Variants in GDNF observed in about 807,000 individuals in gnomAD.
GDNF encodes the protein glial cell line-derived neurotrophic factor.
A neutral mutation model predicts 13.7 loss-of-function variants in GDNF; 5 were observed. The observed-to-expected ratio is 0.36, with a 90% CI of 0.19 to 0.77. The LOEUF is 0.77. GDNF is among the 30% of genes least tolerant of loss of function. The probability of loss-of-function intolerance (pLI) is 0.51; values close to 1 mark genes in which losing one functional copy is unlikely to be tolerated. For missense variants in GDNF, 246 were observed against 274.3 expected (o/e 0.90, Z 0.73); for synonymous variants, 122 against 112.5 (o/e 1.08, Z -0.53).
Position 37,815,646 on chromosome 5 carries a change from C to T in GDNF, c.*5G>A, listed in dbSNP as rs145996577. Reference sequence around the variant, plus strand: ...TGCAATACACAGCAGTCTCTGGAGCCGGAGTCAGATACATCCACACCTTTT... The same window carrying T: ...TGCAATACACAGCAGTCTCTGGAGCTGGAGTCAGATACATCCACACCTTTT... On this transcript the variant is annotated 3_prime_UTR_variant, in exon 3 of 3. Transcript: ENST00000326524. The surrounding 1 kb of genome is among the most constrained non-coding windows in gnomAD (Gnocchi z 5.0). 1,118 of 1,613,202 alleles carry T rather than the reference C, an allele frequency of 6.9e-4. No homozygotes were observed. The highest frequency in any genetic ancestry group is 8.4e-4 in the Non-Finnish European group (992 of 1,179,184).
At chr5:37,828,700 A>G (rs2111692198) in intron 2 of GDNF, among the ~76,000 whole-genome samples, 1 of 152,214 alleles carries the variant, frequency 6.6e-6, no homozygotes, top group East Asian at 1.9e-4. Context: ...CTTCACCTGT[A>G]AAATGGGGAT....
intron 2 of GDNF, among the ~76,000 whole-genome samples, chr5:37,825,062 A>C (rs1219549175): frequency 6.6e-6 from 1 of 152,256 alleles, no homozygotes; most frequent in African/African-American, 2.4e-5. Flanking sequence ...GGGTGTACTT[A>C]GAAAAGCCAC....
intron 2 of GDNF, among the ~76,000 whole-genome samples, chr5:37,821,092 C>T (rs974806887): frequency 3.3e-5 from 5 of 152,268 alleles, no homozygotes; most frequent in Middle Eastern, 3.4e-3. Flanking sequence ...CTCAATTTAT[C>T]GATGCGAGGC....
chr5:37,816,242 C>G, intron 2 of GDNF, 107 bp from the exon 3 acceptor site: 1 of 1,062,042 alleles, frequency 9.4e-7, no homozygotes, highest in Non-Finnish European at 1.4e-6. Context: ...GGACCCACAG[C>G]AAAACTATCA....
rs367700242 is a variant in GDNF at position 37,837,377 on chromosome 5, T to A, written c.-27+2130A>T. Among the ~76,000 whole-genome samples the A allele has an allele frequency of 6.6e-6, 1 of 152,296 alleles. No homozygotes were observed. The highest frequency in any genetic ancestry group is 1.5e-5 in the Non-Finnish European group (1 of 68,016). On this transcript the variant is annotated intron_variant, in intron 1 of 2. Transcript: ENST00000326524. The surrounding 1 kb of genome is among the most constrained non-coding windows in gnomAD (Gnocchi z 6.5). ...CCAGGTGACCGCGCACCATTTCTCG[T>A]GCCTGGCAAGCTGGTCCCCTTCTGG...
intron 1 of GDNF, chr5:37,835,586 T>C (rs1186973053): frequency 6.6e-7 from 1 of 1,517,418 alleles, no homozygotes; most frequent in Non-Finnish European, 9.0e-7. Context: ...AAATCACGCA[T>C]GACAAGCTCT....
At chr5:37,816,754 C>A (rs1032402708) in intron 2 of GDNF, among the ~76,000 whole-genome samples, 2 of 152,158 alleles carry the variant, frequency 1.3e-5, no homozygotes, top group Non-Finnish European at 2.9e-5. Context: ...ATCTGGAATA[C>A]TGAGTGCTCT....
Position 37,815,201 on chromosome 5 carries a change from G to A in GDNF, c.*450C>T, listed in dbSNP as rs141395105. ...TTTCAGCAGTAAAACGTAATAACAAGGAACAACACCAGGATCTCTGTTTCC... is the reference window on the plus strand; with the variant it reads ...TTTCAGCAGTAAAACGTAATAACAAAGAACAACACCAGGATCTCTGTTTCC... On this transcript the variant is annotated 3_prime_UTR_variant, in exon 3 of 3. Transcript: ENST00000326524. This position sits in a 1 kb window ranked among gnomAD's most constrained non-coding sequence, Gnocchi z 5.0. 924 of 187,766 alleles carry A rather than the reference G, an allele frequency of 4.9e-3. 8 individuals are homozygous for A. Among genetic ancestry groups the A allele is most frequent in the Non-Finnish European group, 7.9e-3 (710 of 89,920 alleles). The allele number at this position is 187,766 out of a possible 1,614,324, so 11.6% of individuals were successfully genotyped here.
At position 37,814,710 on chromosome 5, in the gene GDNF, C is replaced by T. The variant is rs951685723; in HGVS notation, c.*941G>A. ...ACTTAAATTTCAATAAATATCTTCT[C>T]TATATTTCTGTATCTGAAACAGATG... On this transcript the variant is annotated 3_prime_UTR_variant, in exon 3 of 3. Coordinates refer to ENST00000326524, the MANE Select transcript of GDNF (RefSeq NM_000514.4). The T allele has an allele frequency of 2.6e-5, 4 of 152,198 alleles. No individual in the cohort carries two copies. Among genetic ancestry groups the T allele is most frequent in the African/African-American group, 9.7e-5 (4 of 41,438 alleles). The allele number at this position is 152,198 out of a possible 1,614,324, so 9.4% of individuals were successfully genotyped here. A position where few individuals can be genotyped will look rare whatever the true frequency, so the allele number is the denominator to read the frequency against.
At chr5:37,824,819 G>A (rs1750252491) in intron 2 of GDNF, among the ~76,000 whole-genome samples, 1 of 152,152 alleles carries the variant, frequency 6.6e-6, no homozygotes, top group African/African-American at 2.4e-5. Flanking sequence ...ACAATTACCA[G>A]CTGAGGCAAT....
chr5:37,833,297 TGGAGAAACGTTTATATACATTA>T (rs1561135545), intron 2 of GDNF, among the ~76,000 whole-genome samples: 1 of 152,186 alleles, frequency 6.6e-6, no homozygotes, highest in East Asian at 1.9e-4. Flanking sequence ...AAGTTTCTGT[TGGAGAAACGTTTATATACATTA>T]AATTTGTGAT....
chr5:37,832,028 G>A (rs1467923097), intron 2 of GDNF, among the ~76,000 whole-genome samples: 2 of 152,218 alleles, frequency 1.3e-5, no homozygotes, highest in African/African-American at 4.8e-5. Flanking sequence ...CTCACACTGA[G>A]GGCATACTAG....
chr5:37,820,623 AT>A (rs1171624662), intron 2 of GDNF, among the ~76,000 whole-genome samples: 1 of 152,196 alleles, frequency 6.6e-6, no homozygotes, highest in Non-Finnish European at 1.5e-5. Context: ...ATCAACTATA[AT>A]AAATGTAGCA....
intron 2 of GDNF, among the ~76,000 whole-genome samples, chr5:37,821,074 G>A (rs1750120441): frequency 6.6e-6 from 1 of 152,190 alleles, no homozygotes; most frequent in Non-Finnish European, 1.5e-5. Context: ...TTCATTCTTA[G>A]AGCCAGCCTC....
chr5:37,835,498 C>A, intron 1 of GDNF: 2 of 1,498,716 alleles, frequency 1.3e-6, no homozygotes, highest in South Asian at 1.3e-5. Context: ...TATGGGATAT[C>A]TGGTTTAAGT....
In GDNF at chr5:37,839,034, C is replaced by T. The variant is rs1750806093; in HGVS notation, c.-27+473G>A. Among the ~76,000 whole-genome samples the T allele has an allele frequency of 2.0e-5, 3 of 152,116 alleles. No individual in the cohort carries two copies. Among genetic ancestry groups the T allele is most frequent in the South Asian group, 2.1e-4 (1 of 4,822 alleles). ...CTCAGCACCTTTGCAGCAGCCCCTC[C>T]CCCGGCCTGCGCTTTTCCTTGGCAC... On this transcript the variant is annotated intron_variant, in intron 1 of 2. Transcript: ENST00000326524. This position sits in a 1 kb window ranked among gnomAD's most constrained non-coding sequence, Gnocchi z 5.5.
At chr5:37,830,585 G>C (rs545677976) in intron 2 of GDNF, among the ~76,000 whole-genome samples, 4 of 152,270 alleles carry the variant, frequency 2.6e-5, no homozygotes, top group Non-Finnish European at 4.4e-5. Context: ...CCACTATTTA[G>C]AGCAGCATCC....
chr5:37,822,864 T>C (rs1750189988), intron 2 of GDNF, among the ~76,000 whole-genome samples: 1 of 152,252 alleles, frequency 6.6e-6, no homozygotes, highest in Admixed American at 6.5e-5. Flanking sequence ...TGAATGTCAT[T>C]GTTTTGGAAT....
intron 2 of GDNF, among the ~76,000 whole-genome samples, chr5:37,820,085 C>G (rs915996327): frequency 6.6e-6 from 1 of 152,090 alleles, no homozygotes; most frequent in Non-Finnish European, 1.5e-5. Flanking sequence ...TACAAAAGGA[C>G]TCACATCATA....
Sources: allele counts gnomAD v4.1 joint callset (sites outside exome capture counted in the v4.1 genomes callset), GRCh38; gene constraint gnomAD v4.1.1; non-coding constraint Gnocchi (gnomAD v3.1); transcripts MANE v1.5; gene names NCBI Gene and HGNC (gene_info 2026-07-23, HGNC 2026-07-21).